PRKCQ: variants seen among roughly 807,000 people sequenced by gnomAD.
PRKCQ encodes protein kinase C theta type.
Under a neutral mutation model 91.2 loss-of-function variants are expected in PRKCQ, and 41 were observed. The observed-to-expected ratio is 0.45, with a 90% CI of 0.35 to 0.58. The LOEUF (loss-of-function observed/expected upper bound fraction) is 0.58, where lower values mean the gene tolerates loss of function less well. Ranked by LOEUF, PRKCQ falls within the 20% of genes least tolerant of loss-of-function variation. The pLI is 0.00. For synonymous variants in PRKCQ, 307 were observed against 316.9 expected, an observed-to-expected ratio of 0.97 and a Z score of 0.33; for missense variants, 673 against 896.5, an observed-to-expected ratio of 0.75 and a Z score of 3.18.
At chr10:6,510,822 C>T (rs73607049) in intron 3 of PRKCQ, among the ~76,000 whole-genome samples, 173 bp downstream of exon 3, 2,389 of 152,230 alleles carry the variant, frequency 0.016, 71 homozygotes, top group African/African-American at 0.055. Context: ...ATGTGTTCTA[C>T]AGCCCATAAA....
chr10:6,499,564 A>G (rs1230738716), intron 4 of PRKCQ, among the ~76,000 whole-genome samples: 1 of 152,238 alleles, frequency 6.6e-6, no homozygotes, highest in Non-Finnish European at 1.5e-5. Context: ...TGATACACAA[A>G]TAAATATGTG....
At chr10:6,434,601 C>G (rs982388631) in intron 16 of PRKCQ, among the ~76,000 whole-genome samples, 1 of 152,188 alleles carries the variant, frequency 6.6e-6, no homozygotes, top group Non-Finnish European at 1.5e-5. Flanking sequence ...AATAAAATAC[C>G]TGAAGACTTG....
Position 6,510,710 on chromosome 10 carries a change from A to G in PRKCQ, c.318+285T>C, listed in dbSNP as rs192122802. 4.2e-3 allele frequency among the ~76,000 whole-genome samples: 641 copies of G among 152,334 alleles called. 5 individuals are homozygous for G. The highest frequency in any genetic ancestry group is 5.2e-3 in the Non-Finnish European group (356 of 68,024). ...TCATCCCCCACTTAAGGGGAATTTG[A>G]GATATTCCAAGCCTGCTTTAACAGT... On this transcript the variant is annotated intron_variant, in intron 3 of 17. Coordinates refer to ENST00000263125, the MANE Select transcript of PRKCQ (RefSeq NM_006257.5).
chr10:6,462,255 C>T (rs748485122), intron 14 of PRKCQ, 48 bp downstream of exon 14: 1 of 1,538,470 alleles, frequency 6.5e-7, no homozygotes. Context: ...ATTAACTGAG[C>T]CAGGAAAGCC....
At chr10:6,485,458 T>C (rs1037459165) in intron 9 of PRKCQ, among the ~76,000 whole-genome samples, 189 bp from the exon 10 acceptor site, 1 of 152,248 alleles carries the variant, frequency 6.6e-6, no homozygotes, top group African/African-American at 2.4e-5. Flanking sequence ...TTTTATGCAT[T>C]AGCCGAACAC....
At chr10:6,537,940 G>A (rs368269766) in intron 1 of PRKCQ, among the ~76,000 whole-genome samples, 1 of 152,148 alleles carries the variant, frequency 6.6e-6, no homozygotes, top group Non-Finnish European at 1.5e-5. Flanking sequence ...CTTCCTCACC[G>A]GGGATGGTTT....
At chr10:6,467,436 T>G (rs993611879) in intron 12 of PRKCQ, among the ~76,000 whole-genome samples, 4,071 of 48,858 alleles carry the variant, frequency 0.083, no homozygotes, top group South Asian at 0.11. Context: ...AGAGAGATGG[T>G]GGGGAGGGAG....
chr10:6,498,293 C>G, intron 5 of PRKCQ, 103 bp downstream of exon 5: 1 of 1,435,356 alleles, frequency 7.0e-7, no homozygotes, highest in Middle Eastern at 2.5e-4. Flanking sequence ...GTAGCATTTA[C>G]TCCAGCACAC....
chr10:6,413,184 C>T, the PRKCQ span, among the ~76,000 whole-genome samples: 5 of 152,094 alleles, frequency 3.3e-5, no homozygotes, highest in African/African-American at 7.2e-5. Context: ...GATCTCCTGA[C>T]CTTGTGATCA....
intron 1 of PRKCQ, among the ~76,000 whole-genome samples, chr10:6,542,737 G>T (rs1407879480): frequency 1.3e-5 from 2 of 152,084 alleles, no homozygotes; most frequent in Non-Finnish European, 2.9e-5. Flanking sequence ...TATTAAATTT[G>T]ACGTTACGAG....
intron 17 of PRKCQ, among the ~76,000 whole-genome samples, chr10:6,429,716 G>A (rs1356416278): frequency 2.0e-5 from 3 of 151,958 alleles, no homozygotes; most frequent in African/African-American, 4.8e-5. Flanking sequence ...CTTTCTTAAT[G>A]ACTTTTTTTT....
the PRKCQ span, among the ~76,000 whole-genome samples, chr10:6,398,852 C>T: frequency 6.6e-6 from 1 of 152,192 alleles, no homozygotes; most frequent in East Asian, 1.9e-4. Context: ...CTCCTGGGCT[C>T]AAGCCATCCT....
At chr10:6,506,777 C>A (rs1268629590) in intron 4 of PRKCQ, among the ~76,000 whole-genome samples, 1 of 152,136 alleles carries the variant, frequency 6.6e-6, no homozygotes. Context: ...AGTGAATTTA[C>A]CATCAGTAAG....
At chr10:6,498,374 G>A (rs1474675182) in intron 5 of PRKCQ, 22 bp downstream of exon 5, 1 of 1,612,782 alleles carries the variant, frequency 6.2e-7, no homozygotes, top group South Asian at 1.1e-5. Context: ...GAAGCTTGGA[G>A]GGAGATGCCA....
chr10:6,506,115 T>A (rs1186383203), intron 4 of PRKCQ, among the ~76,000 whole-genome samples: 1 of 152,192 alleles, frequency 6.6e-6, no homozygotes, highest in Non-Finnish European at 1.5e-5. Context: ...TTCAGCCAAC[T>A]CAAAAGTTGT....
intron 16 of PRKCQ, among the ~76,000 whole-genome samples, chr10:6,435,766 A>T (rs1833669731): frequency 6.6e-6 from 1 of 152,230 alleles, no homozygotes; most frequent in Admixed American, 6.5e-5. Context: ...GTTGGGCTGC[A>T]TTCAAAGCCA....
Position 6,550,896 on chromosome 10 carries a change from C to T in PRKCQ, c.-10+29315G>A, listed in dbSNP as rs115618616. ...TGTTATTTTTTGTTTTTTGATCTAG[C>T]CATCCTAATGGGTTCAAGGCAATAT... On this transcript the variant is annotated intron_variant, in intron 1 of 17. Coordinates refer to ENST00000263125, the MANE Select transcript of PRKCQ (RefSeq NM_006257.5). Among the ~76,000 whole-genome samples the T allele has an allele frequency of 7.2e-3, 1,089 of 152,298 alleles. 14 individuals are homozygous for T. The highest frequency in any genetic ancestry group is 0.025 in the African/African-American group (1,052 of 41,540).
intron 1 of PRKCQ, among the ~76,000 whole-genome samples, chr10:6,523,449 CA>C (rs2130885438): frequency 6.6e-6 from 1 of 152,032 alleles, no homozygotes; most frequent in East Asian, 1.9e-4. Context: ...AGACCCTTTT[CA>C]AAATAATGAT....
intron 1 of PRKCQ, among the ~76,000 whole-genome samples, chr10:6,527,768 G>A (rs1839249648): frequency 6.6e-6 from 1 of 152,080 alleles, no homozygotes; most frequent in Non-Finnish European, 1.5e-5. Flanking sequence ...GTCACACACT[G>A]CTTACGAGGA....
Sources: gnomAD v4.1 joint callset for allele counts (sites outside exome capture counted in the v4.1 genomes callset) on GRCh38, gnomAD v4.1.1 for gene constraint, MANE v1.5 for transcripts, NCBI Gene and HGNC (gene_info 2026-07-23, HGNC 2026-07-21) for gene names.